The following TSPAN14 variants were observed in gnomAD, a reference collection of about 807,000 sequenced individuals.
TSPAN14 encodes tetraspanin 14.
Under a neutral mutation model 36.6 loss-of-function variants are expected in TSPAN14, and 16 were observed. The observed-to-expected ratio is 0.44, with a 90% CI of 0.30 to 0.66. The LOEUF (loss-of-function observed/expected upper bound fraction) is 0.66, where lower values mean the gene tolerates loss of function less well. TSPAN14 is among the 30% of genes least tolerant of loss of function. The pLI is 0.12. For synonymous variants in TSPAN14, 139 were observed against 143.8 expected, an observed-to-expected ratio of 0.97 and a Z score of 0.24; for missense variants, 231 against 355.1, an observed-to-expected ratio of 0.65 and a Z score of 2.81.
chr10:80,469,107 C>T (rs1242624014), intron 1 of TSPAN14, among the ~76,000 whole-genome samples: 3 of 152,002 alleles, frequency 2.0e-5, no homozygotes, highest in Non-Finnish European at 2.9e-5. Context: ...GAGAAAGCCC[C>T]CTTAGCCCAG....
At chr10:80,477,987 C>T (rs989679409) in intron 1 of TSPAN14, among the ~76,000 whole-genome samples, 4 of 152,108 alleles carry the variant, frequency 2.6e-5, no homozygotes, top group Admixed American at 6.6e-5. Flanking sequence ...GAAACTTAGC[C>T]GCCCAAGGAC....
intron 2 of TSPAN14, among the ~76,000 whole-genome samples, chr10:80,496,018 G>A (rs67413850): frequency 0.5 from 76,706 of 151,934 alleles, 19,948 homozygotes; most frequent in East Asian, 0.83. Flanking sequence ...TAGTTAGGTG[G>A]TAGTGTCTCT....
At chr10:80,473,322 G>A (rs763028484) in intron 1 of TSPAN14, among the ~76,000 whole-genome samples, 1 of 152,154 alleles carries the variant, frequency 6.6e-6, no homozygotes, top group Non-Finnish European at 1.5e-5. Context: ...AAACTTGGCA[G>A]GTTTTGGGTT....
At chr10:80,514,766 C>T (rs1178439957) in intron 7 of TSPAN14, among the ~76,000 whole-genome samples, 1 of 152,220 alleles carries the variant, frequency 6.6e-6, no homozygotes, top group Non-Finnish European at 1.5e-5. Context: ...GTGTGTGTCT[C>T]TCCAAAATTC....
chr10:80,456,936 C>T (rs937007252), intron 1 of TSPAN14, among the ~76,000 whole-genome samples: 1 of 152,076 alleles, frequency 6.6e-6, no homozygotes, highest in African/African-American at 2.4e-5. Flanking sequence ...GTGGCACATG[C>T]CTATAATCCC....
chr10:80,479,655 T>A (rs1452580651), intron 1 of TSPAN14, among the ~76,000 whole-genome samples: 1 of 152,198 alleles, frequency 6.6e-6, no homozygotes, highest in African/African-American at 2.4e-5. Flanking sequence ...GGTCTATATC[T>A]CTGTTTTGGT....
chr10:80,518,113 CCT>C (rs1270128923), exon 9 of TSPAN14: 1 of 915,730 alleles, frequency 1.1e-6, no homozygotes, highest in Non-Finnish European at 1.7e-6. Context: ...CGTGACGTGA[CCT>C]CTCTGTTTCT....
chr10:80,517,828 C>T (rs1362580081), intron 8 of TSPAN14, 77 bp from the exon 9 acceptor site: 2 of 1,437,824 alleles, frequency 1.4e-6, no homozygotes, highest in Non-Finnish European at 1.9e-6. Context: ...TGGGAGCTCC[C>T]AACCCCACCC....
chr10:80,489,561 C>G (rs1847811043), intron 2 of TSPAN14, among the ~76,000 whole-genome samples: 1 of 152,248 alleles, frequency 6.6e-6, no homozygotes, highest in Non-Finnish European at 1.5e-5. Context: ...CCTTGGGGCT[C>G]TGGCCCAGAT....
chr10:80,456,880 C>T (rs1456373032), intron 1 of TSPAN14, among the ~76,000 whole-genome samples: 6 of 151,994 alleles, frequency 3.9e-5, no homozygotes, highest in African/African-American at 1.2e-4. Context: ...CTGACCAACA[C>T]GGTGAAACCC....
intron 2 of TSPAN14, among the ~76,000 whole-genome samples, chr10:80,499,413 A>G (rs1848373751): frequency 6.6e-6 from 1 of 152,096 alleles, no homozygotes; most frequent in Non-Finnish European, 1.5e-5. Flanking sequence ...TGCCTTGTCC[A>G]CCTGCCCTGG....
At chr10:80,470,189 A>G (rs900760776) in intron 1 of TSPAN14, among the ~76,000 whole-genome samples, 4 of 152,144 alleles carry the variant, frequency 2.6e-5, no homozygotes, top group South Asian at 2.1e-4. Flanking sequence ...AGATTCAAGC[A>G]ATTCTCCTGT....
chr10:80,495,277 A>G (rs1010656525), intron 2 of TSPAN14, among the ~76,000 whole-genome samples: 3 of 152,182 alleles, frequency 2.0e-5, no homozygotes, highest in African/African-American at 4.8e-5. Context: ...ACATACAGTC[A>G]AAATCACATC....
exon 9 of TSPAN14, chr10:80,522,224 GA>G (rs1166001758): frequency 6.6e-6 from 1 of 152,164 alleles, no homozygotes; most frequent in Non-Finnish European, 1.5e-5. Flanking sequence ...ATAACTACTA[GA>G]ACTGGCCAGG....
intron 1 of TSPAN14, among the ~76,000 whole-genome samples, chr10:80,460,114 C>T (rs529064504): frequency 1.7e-4 from 26 of 152,292 alleles, no homozygotes; most frequent in African/African-American, 6.0e-4. Context: ...TAGGAATTAT[C>T]GCAATGGATT....
rs552124080 is a variant in TSPAN14, at chr10:80,481,712, G to T, written c.-17-7505G>T. On this transcript the variant is annotated intron_variant, in intron 1 of 8. Coordinates refer to ENST00000429989, the Ensembl canonical transcript of TSPAN14. ...GCGATCTCGGCTCACCGTAACCTCC[G>T]CCTCCTGGGTTCAAGCGATTCTCCT... Among the ~76,000 whole-genome samples the T allele has an allele frequency of 1.2e-4, 18 of 152,266 alleles. No individual in the cohort carries two copies. In the South Asian group the frequency reaches 3.7e-3, roughly 32 times the overall value.
chr10:80,507,471 T>G, intron 4 of TSPAN14, 97 bp downstream of exon 4: 1 of 1,544,580 alleles, frequency 6.5e-7, no homozygotes, highest in Admixed American at 1.8e-5. Flanking sequence ...AGGTGGCAGC[T>G]CTTAGGAGCC....
chr10:80,456,455 G>T (rs1845738080), intron 1 of TSPAN14, among the ~76,000 whole-genome samples: 1 of 152,226 alleles, frequency 6.6e-6, no homozygotes, highest in African/African-American at 2.4e-5. Flanking sequence ...AGATGGCTCT[G>T]CCCTGAAGGT....
chr10:80,516,448 G>T (rs1237031304), intron 8 of TSPAN14, 125 bp downstream of exon 8: 4 of 1,339,100 alleles, frequency 3.0e-6, no homozygotes, highest in Non-Finnish European at 3.1e-6. Context: ...GAAAAAAAGG[G>T]ATTCAACTGG....
Sources: allele counts gnomAD v4.1 joint callset (sites outside exome capture counted in the v4.1 genomes callset), GRCh38; gene constraint gnomAD v4.1.1; transcripts MANE v1.5; gene names NCBI Gene and HGNC (gene_info 2026-07-23, HGNC 2026-07-21).